Variants in CFAP119 observed in about 807,000 individuals in gnomAD.
The protein encoded by CFAP119 is cilia- and flagella-associated protein 119.
chr16:30,757,975 G>A, the CFAP119 span: 3 of 355,950 alleles, frequency 8.4e-6, no homozygotes, highest in African/African-American at 6.4e-5. Flanking sequence ...ATTGAGGGAG[G>A]ATTAAATGAG....
chr16:30,761,624 G>C, the CFAP119 span: 5 of 1,535,980 alleles, frequency 3.3e-6, no homozygotes, highest in African/African-American at 5.5e-5. Flanking sequence ...ACTCGCACGC[G>C]TCCGCGCGGC....
At chr16:30,760,464 A>G in the CFAP119 span, 10 of 1,613,628 alleles carry the variant, frequency 6.2e-6, no homozygotes, top group South Asian at 9.9e-5. Context: ...CTTGGGAGGG[A>G]GAGAGGAGTG....
the CFAP119 span, chr16:30,761,749 C>T: frequency 2.6e-6 from 4 of 1,521,400 alleles, no homozygotes; most frequent in African/African-American, 2.7e-5. Context: ...GGTTGAGCAT[C>T]TCGCCGCTCT....
the CFAP119 span, chr16:30,757,907 C>T: frequency 9.5e-6 from 9 of 945,990 alleles, no homozygotes; most frequent in Admixed American, 1.9e-4. Flanking sequence ...GGTTATTTAA[C>T]CTATCTGTGC....
At chr16:30,761,065 T>C in the CFAP119 span, 1 of 1,020,716 alleles carries the variant, frequency 9.8e-7, no homozygotes, top group Non-Finnish European at 1.4e-6. Flanking sequence ...CAACTTCCAG[T>C]CACCTGGAGT....
the CFAP119 span, chr16:30,761,007 C>CT: frequency 1.2e-5 from 8 of 654,046 alleles, no homozygotes; most frequent in East Asian, 8.2e-5. Flanking sequence ...GTCTTTGGCT[C>CT]TTTTTTTCTC....
the CFAP119 span, chr16:30,760,433 T>C: frequency 6.2e-7 from 1 of 1,614,088 alleles, no homozygotes; most frequent in Admixed American, 1.7e-5. Context: ...ACACCCTAGC[T>C]CCAGCAGCTC....
At chr16:30,761,578 T>C in the CFAP119 span, 2 of 1,535,978 alleles carry the variant, frequency 1.3e-6, no homozygotes, top group African/African-American at 2.7e-5. Flanking sequence ...CTTCATCCGC[T>C]TTCGCCGCCG....
At chr16:30,759,862 T>C in the CFAP119 span, 6 of 1,459,300 alleles carry the variant, frequency 4.1e-6, no homozygotes, top group African/African-American at 2.9e-5. Context: ...CCTTAACTCA[T>C]GTAACAAATA....
chr16:30,760,179 C>T, the CFAP119 span: 13 of 1,602,722 alleles, frequency 8.1e-6, no homozygotes, highest in South Asian at 1.1e-5. Context: ...CTAATAATGA[C>T]ATATTCCAGG....
the CFAP119 span, chr16:30,759,563 CAAG>C: frequency 1.2e-6 from 2 of 1,614,052 alleles, no homozygotes; most frequent in Non-Finnish European, 1.7e-6. Flanking sequence ...GGGGTCTTCA[CAAG>C]AAGATAAGGG....
the CFAP119 span, chr16:30,760,161 T>C: frequency 6.3e-7 from 1 of 1,589,756 alleles, no homozygotes; most frequent in Non-Finnish European, 8.5e-7. Context: ...TTGTGTATGA[T>C]GATGCTACTA....
At chr16:30,760,614 C>G in the CFAP119 span, 5 of 1,557,984 alleles carry the variant, frequency 3.2e-6, no homozygotes, top group African/African-American at 6.8e-5. Flanking sequence ...ACTCCCTCAT[C>G]TCAGCATTGG....
At chr16:30,761,375 C>G in the CFAP119 span, 2 of 1,380,840 alleles carry the variant, frequency 1.4e-6, no homozygotes, top group South Asian at 1.2e-5. Context: ...TCAGCAGGCC[C>G]TAGGTGCTCT....
the CFAP119 span, chr16:30,761,883 G>T: frequency 1.1e-6 from 1 of 892,924 alleles, no homozygotes; most frequent in Non-Finnish European, 1.6e-6. Flanking sequence ...GGAGAGGCGC[G>T]GCGGGGCGAA....
chr16:30,758,890 G>A, the CFAP119 span: 5 of 1,487,480 alleles, frequency 3.4e-6, no homozygotes, highest in Non-Finnish European at 3.6e-6. Context: ...TTCTGCATAA[G>A]GGATCATTTA....
chr16:30,760,402 G>A, the CFAP119 span: 5 of 1,614,056 alleles, frequency 3.1e-6, no homozygotes, highest in African/African-American at 1.3e-5. Flanking sequence ...GGGTGATGGC[G>A]TCCCTCAGGC....
the CFAP119 span, chr16:30,760,379 C>G: frequency 1.2e-6 from 2 of 1,614,070 alleles, no homozygotes; most frequent in South Asian, 1.1e-5. Flanking sequence ...GAGCGCGTGG[C>G]AGAAGAGGTC....
the CFAP119 span, chr16:30,757,742 A>T: frequency 1.3e-6 from 2 of 1,495,888 alleles, no homozygotes; most frequent in Non-Finnish European, 1.8e-6. Flanking sequence ...ACAGTCCCCA[A>T]ATTTCCCCTG....
Sources: allele counts gnomAD v4.1 joint callset, GRCh38; gene constraint gnomAD v4.1.1; transcripts MANE v1.5; gene names NCBI Gene and HGNC (gene_info 2026-07-23, HGNC 2026-07-21).